The following ZNF362 variants were observed in gnomAD, a reference collection of about 807,000 sequenced individuals.
ZNF362 encodes rotund homolog.
A neutral mutation model predicts 42.9 loss-of-function variants in ZNF362; 11 were observed. The ratio of observed to expected loss-of-function variants is 0.26; its 90% confidence interval spans 0.16 to 0.42. The LOEUF (loss-of-function observed/expected upper bound fraction) is 0.42. Ranked by LOEUF, ZNF362 falls within the 20% of genes least tolerant of loss-of-function variation. ZNF362 has a pLI of 1.00. For missense variants in ZNF362, 362 were observed against 576.2 expected (o/e 0.63, Z 3.81); for synonymous variants, 255 against 257.3 (o/e 0.99, Z 0.09).
At chr1:33,129,290 A>G in the ZNF362 span, among the ~76,000 whole-genome samples, 168 of 152,300 alleles carry the variant, frequency 1.1e-3, no homozygotes, top group African/African-American at 3.6e-3. The surrounding 1 kb of genome is among the most constrained non-coding windows in gnomAD (Gnocchi z 4.1). Flanking sequence ...TATCCCTCCT[A>G]ACTCTGATTT....
chr1:33,281,408 G>T lies in ZNF362; in HGVS notation c.684-179G>T, dbSNP rs1645993304. Among the ~76,000 whole-genome samples, 1 of 152,118 alleles carries T rather than the reference G, an allele frequency of 6.6e-6. No individual in the cohort carries two copies. The highest frequency in any genetic ancestry group is 1.5e-5 in the Non-Finnish European group (1 of 68,010). ...CCCCAGGCAAGAGCTTCCTCCTCCA[G>T]ATTTAAGGGTGCCCAGGCTGGGAGA... On this transcript the variant is annotated intron_variant, in intron 5 of 8. Transcript: ENST00000539719. The surrounding 1 kb of genome is among the most constrained non-coding windows in gnomAD (Gnocchi z 4.8).
At chr1:33,229,133 C>T in the ZNF362 span, among the ~76,000 whole-genome samples, 4 of 152,116 alleles carry the variant, frequency 2.6e-5, no homozygotes, top group African/African-American at 9.7e-5. Flanking sequence ...GGTTCCCTGA[C>T]TACTCTCCAC....
At chr1:33,127,636 A>G in the ZNF362 span, among the ~76,000 whole-genome samples, 1 of 152,226 alleles carries the variant, frequency 6.6e-6, no homozygotes, top group African/African-American at 2.4e-5. Flanking sequence ...TTTCGCTTCT[A>G]CTTAAAAACG....
chr1:33,188,134 T>G, the ZNF362 span, among the ~76,000 whole-genome samples: 1 of 152,090 alleles, frequency 6.6e-6, no homozygotes, highest in Non-Finnish European at 1.5e-5. Flanking sequence ...CTCGGGAGGC[T>G]GAGGCAAGAG....
At chr1:33,224,053 A>G in the ZNF362 span, among the ~76,000 whole-genome samples, 1 of 152,148 alleles carries the variant, frequency 6.6e-6, no homozygotes, top group African/African-American at 2.4e-5. Flanking sequence ...TTATCTCTAC[A>G]TTTTTCATAC....
the ZNF362 span, among the ~76,000 whole-genome samples, chr1:33,174,241 G>A: frequency 1.3e-5 from 2 of 151,366 alleles, no homozygotes; most frequent in Middle Eastern, 3.6e-3. Context: ...TAGTGCAGTG[G>A]CACCATCACA....
intron 4 of ZNF362, among the ~76,000 whole-genome samples, chr1:33,279,247 G>C (rs1239591613): frequency 6.6e-6 from 1 of 152,022 alleles, no homozygotes; most frequent in African/African-American, 2.4e-5. Context: ...CTGGTCTTCA[G>C]CTTCTGGGCT....
chr1:33,279,109 C>T (rs975089823), intron 4 of ZNF362, among the ~76,000 whole-genome samples: 4 of 152,100 alleles, frequency 2.6e-5, no homozygotes, highest in East Asian at 1.9e-4. Flanking sequence ...ACTGAAGCCT[C>T]GACCTCTGGG....
chr1:33,272,653 G>A (rs1046861631), intron 2 of ZNF362, among the ~76,000 whole-genome samples: 2 of 151,978 alleles, frequency 1.3e-5, no homozygotes, highest in African/African-American at 4.8e-5. Context: ...CTCAACCCCC[G>A]GGTGGCTGTT....
At chr1:33,163,359 C>T in the ZNF362 span, 25 of 151,580 alleles carry the variant, frequency 1.6e-4, no homozygotes, top group Admixed American at 1.6e-3. Flanking sequence ...TCCTTTCAAT[C>T]ACTTTTTTTA....
chr1:33,136,927 G>A, the ZNF362 span, among the ~76,000 whole-genome samples: 8 of 151,618 alleles, frequency 5.3e-5, no homozygotes, highest in Non-Finnish European at 1.2e-4. Flanking sequence ...AACCCAGGAG[G>A]CAGAGGTTGC....
the ZNF362 span, among the ~76,000 whole-genome samples, chr1:33,214,578 A>G: frequency 1.3e-5 from 2 of 152,234 alleles, no homozygotes; most frequent in African/African-American, 4.8e-5. Flanking sequence ...ATGAAAGGCA[A>G]TATTTGCAAA....
At position 33,298,922 on chromosome 1, in the gene ZNF362, G is replaced by GC. The variant is rs1557802339; in HGVS notation, c.1147-5dup. The GC allele has an allele frequency of 1.9e-6, 3 of 1,612,616 alleles. No homozygotes were observed. In the South Asian group the frequency reaches 3.3e-5, roughly 18 times the overall value. On this transcript the variant is annotated splice_polypyrimidine_tract_variant and splice_region_variant and intron_variant, in intron 8 of 8. Transcript: ENST00000539719. ...GTTCCCTGTTCTGAATCTCATCCCTGCCCACAGGAGACCTACCTGATGAAG... is the reference window on the plus strand; with the variant it reads ...GTTCCCTGTTCTGAATCTCATCCCTGCCCCACAGGAGACCTACCTGATGAAG...
At chr1:33,176,609 C>A in the ZNF362 span, 1 of 512,960 alleles carries the variant, frequency 1.9e-6, no homozygotes, top group South Asian at 2.7e-5. Context: ...AACCACCTGC[C>A]CTCGGGGCGT....
the ZNF362 span, among the ~76,000 whole-genome samples, chr1:33,204,847 A>G: frequency 6.6e-6 from 1 of 152,228 alleles, no homozygotes; most frequent in Non-Finnish European, 1.5e-5. Context: ...ATATGTAAGA[A>G]TCTATTGTAT....
the ZNF362 span, among the ~76,000 whole-genome samples, chr1:33,135,160 C>T: frequency 1.3e-5 from 2 of 152,112 alleles, no homozygotes; most frequent in Admixed American, 6.5e-5. Flanking sequence ...CATGGTGGCA[C>T]GTGCCTGTAA....
At chr1:33,200,584 G>A in the ZNF362 span, among the ~76,000 whole-genome samples, 1 of 152,030 alleles carries the variant, frequency 6.6e-6, no homozygotes, top group South Asian at 2.1e-4. Flanking sequence ...GATACAAACA[G>A]GTTAAAAGTA....
the ZNF362 span, among the ~76,000 whole-genome samples, chr1:33,248,230 C>T: frequency 6.6e-6 from 1 of 152,198 alleles, no homozygotes; most frequent in East Asian, 1.9e-4. Context: ...ATGGCTTGCC[C>T]AAGCTCACTG....
At chr1:33,285,869 C>T (rs1485490980) in intron 6 of ZNF362, among the ~76,000 whole-genome samples, 1 of 152,132 alleles carries the variant, frequency 6.6e-6, no homozygotes, top group Non-Finnish European at 1.5e-5. Flanking sequence ...TTGAGACCAG[C>T]CTGGTCAACA....
Sources: gnomAD v4.1 joint callset for allele counts (sites outside exome capture counted in the v4.1 genomes callset) on GRCh38, gnomAD v4.1.1 for gene constraint, Gnocchi (gnomAD v3.1) non-coding constraint, MANE v1.5 for transcripts, NCBI Gene and HGNC (gene_info 2026-07-23, HGNC 2026-07-21) for gene names.